Variants in DENND4C observed in about 807,000 individuals in gnomAD.
The protein encoded by DENND4C is DENN domain containing 4C, also known as DENN domain-containing protein 4C.
Under a neutral mutation model 203.0 loss-of-function variants are expected in DENND4C, and 108 were observed. That is an observed-to-expected ratio of 0.53 (90% confidence interval 0.46 to 0.62). DENND4C has a LOEUF of 0.62. Among genes scored for constraint, DENND4C ranks in the 20% least tolerant of loss-of-function variants. The probability of loss-of-function intolerance (pLI) is 0.00; values close to 1 mark genes in which losing one functional copy is unlikely to be tolerated. For missense variants in DENND4C, 2,481 were observed against 2,301.2 expected, an observed-to-expected ratio of 1.08 and a Z score of -1.60; for synonymous variants, 871 against 792.4, an observed-to-expected ratio of 1.10 and a Z score of -1.67.
intron 22 of DENND4C, among the ~76,000 whole-genome samples, chr9:19,344,685 C>T (rs1043228151): frequency 3.9e-5 from 6 of 152,082 alleles, no homozygotes; most frequent in East Asian, 3.9e-4. Context: ...TATTTTTTTG[C>T]GGAGACAGGG....
intron 17 of DENND4C, among the ~76,000 whole-genome samples, chr9:19,333,165 C>A (rs1422509901): frequency 6.6e-6 from 1 of 151,790 alleles, no homozygotes; most frequent in Non-Finnish European, 1.5e-5. Flanking sequence ...CAGGTGCACA[C>A]CACCACGTCT....
At chr9:19,253,309 A>C (rs763738569) in intron 1 of DENND4C, among the ~76,000 whole-genome samples, 1 of 152,210 alleles carries the variant, frequency 6.6e-6, no homozygotes, top group Non-Finnish European at 1.5e-5. Flanking sequence ...TAGTTCCCAC[A>C]ACTCTTAATA....
intron 16 of DENND4C, among the ~76,000 whole-genome samples, chr9:19,330,593 C>T (rs1455002351): frequency 6.6e-6 from 1 of 151,910 alleles, no homozygotes; most frequent in Non-Finnish European, 1.5e-5. Context: ...CTGCCTCGGC[C>T]TCCCAAAGTG....
chr9:19,371,929 C>T, intron 32 of DENND4C, 108 bp from the exon 33 acceptor site: 1 of 1,326,156 alleles, frequency 7.5e-7, no homozygotes, highest in Non-Finnish European at 1.0e-6. Context: ...ATTTCTACTT[C>T]TAAATATATA....
At chr9:19,262,931 C>T (rs1263772690) in intron 1 of DENND4C, among the ~76,000 whole-genome samples, 1 of 152,160 alleles carries the variant, frequency 6.6e-6, no homozygotes, top group African/African-American at 2.4e-5. Flanking sequence ...GTCTTTATTT[C>T]TTCCTTATGT....
chr9:19,345,808 G>T, intron 22 of DENND4C, 113 bp from the exon 23 acceptor site: 2 of 1,016,054 alleles, frequency 2.0e-6, no homozygotes, highest in Non-Finnish European at 2.7e-6. Context: ...TAAATTTTCT[G>T]GATCTTTTAT....
chr9:19,247,969 C>T (rs1264893599), intron 1 of DENND4C, among the ~76,000 whole-genome samples: 3 of 152,122 alleles, frequency 2.0e-5, no homozygotes, highest in Non-Finnish European at 4.4e-5. Context: ...CTCCTTTGCC[C>T]TAATATAAGC....
intron 9 of DENND4C, among the ~76,000 whole-genome samples, chr9:19,303,772 G>A (rs1473510616): frequency 6.6e-6 from 1 of 152,082 alleles, no homozygotes; most frequent in East Asian, 1.9e-4. Flanking sequence ...AATTGAACTA[G>A]ACCTTAAAAG....
In DENND4C at chr9:19,294,651, A is replaced by G. The variant is rs114972131; in HGVS notation, c.802-1357A>G. On this transcript the variant is annotated intron_variant, in intron 5 of 32. Transcript: ENST00000434457. The stretch of plus-strand genomic sequence containing the variant: ...AAACAACCCAAACGTGCATCAACGT[A>G]TGAATGGATACACAAAATATGGTAT... Among the ~76,000 whole-genome samples, 677 of 152,346 alleles carry G rather than the reference A, an allele frequency of 4.4e-3. 9 individuals carry two copies. Among genetic ancestry groups the G allele is most frequent in the African/African-American group, 0.016 (657 of 41,586 alleles).
chr9:19,348,035 G>A (rs1306360297), intron 23 of DENND4C, among the ~76,000 whole-genome samples: 1 of 152,204 alleles, frequency 6.6e-6, no homozygotes, highest in African/African-American at 2.4e-5. Context: ...GAGTACTTTA[G>A]TAGATAAGGC....
Position 19,371,753 on chromosome 9 carries a change from T to C in DENND4C, c.5676-3T>C, listed in dbSNP as rs757472260. 3 of 1,384,912 alleles carry C rather than the reference T, an allele frequency of 2.2e-6. No individual in the cohort carries two copies. The highest frequency in any genetic ancestry group is 2.0e-6 in the Non-Finnish European group (2 of 992,936). 85.8% of individuals were successfully genotyped at this position (1,384,912 alleles called of 1,614,324 possible). ...TGACTTTTAAAACATATTTGTTTTA[T>C]AGGAGTTTATACAGAGAAATCCTCT... On this transcript the variant is annotated splice_region_variant and splice_polypyrimidine_tract_variant and intron_variant, in intron 31 of 32. Coordinates refer to ENST00000434457, the MANE Select transcript of DENND4C (RefSeq NM_001330640.2).
intron 12 of DENND4C, among the ~76,000 whole-genome samples, chr9:19,319,379 T>TACATATATATACACACATATATATACAC (rs1842454952): frequency 1.9e-5 from 2 of 105,834 alleles, no homozygotes; most frequent in Non-Finnish European, 3.7e-5. Flanking sequence ...TATATACACA[T>TACATATATATACACACATATATATACAC]ACATATATAT....
chr9:19,231,084 T>C (rs1820415209), intron 1 of DENND4C, among the ~76,000 whole-genome samples: 1 of 152,146 alleles, frequency 6.6e-6, no homozygotes, highest in Non-Finnish European at 1.5e-5. Flanking sequence ...AGGCTGCCCC[T>C]GAAGAGCCTC....
At chr9:19,237,427 C>A (rs1463788303) in intron 1 of DENND4C, among the ~76,000 whole-genome samples, 1 of 152,160 alleles carries the variant, frequency 6.6e-6, no homozygotes, top group East Asian at 1.9e-4. Context: ...TCTCGGCTCA[C>A]TGCAACCTCC....
At chr9:19,329,515 T>C (rs1001245184) in intron 16 of DENND4C, among the ~76,000 whole-genome samples, 1 of 152,236 alleles carries the variant, frequency 6.6e-6, no homozygotes, top group East Asian at 1.9e-4. Flanking sequence ...AACATTTGTG[T>C]ATAAGTGTTA....
At chr9:19,339,547 C>A (rs1821157838) in intron 20 of DENND4C, among the ~76,000 whole-genome samples, 1 of 152,170 alleles carries the variant, frequency 6.6e-6, no homozygotes, top group African/African-American at 2.4e-5. Context: ...TACAGGCACA[C>A]ACAGTCTGAC....
intron 1 of DENND4C, among the ~76,000 whole-genome samples, chr9:19,267,783 C>T (rs962910999): frequency 2.6e-5 from 4 of 152,100 alleles, no homozygotes; most frequent in Admixed American, 2.0e-4. Context: ...TAGCAATCCT[C>T]CTGCATCAGC....
intron 1 of DENND4C, among the ~76,000 whole-genome samples, chr9:19,264,107 C>G (rs1296954753): frequency 6.6e-6 from 1 of 152,092 alleles, no homozygotes; most frequent in Non-Finnish European, 1.5e-5. Context: ...TGGTAAAATT[C>G]AGCAGTGAAG....
At chr9:19,345,209 G>A (rs1822584711) in intron 22 of DENND4C, among the ~76,000 whole-genome samples, 1 of 152,190 alleles carries the variant, frequency 6.6e-6, no homozygotes, top group African/African-American at 2.4e-5. Flanking sequence ...AAGAGTAAAA[G>A]ACTGCTTTCT....
Sources: gnomAD v4.1 joint callset for allele counts (sites outside exome capture counted in the v4.1 genomes callset) on GRCh38, gnomAD v4.1.1 for gene constraint, MANE v1.5 for transcripts, NCBI Gene and HGNC (gene_info 2026-07-23, HGNC 2026-07-21) for gene names.